DCST1: variants seen among roughly 807,000 people sequenced by gnomAD.
DCST1 encodes the protein DC-STAMP domain containing 1.
A neutral mutation model predicts 89.1 loss-of-function variants in DCST1; 78 were observed. The ratio of observed to expected loss-of-function variants is 0.88; its 90% CI spans 0.73 to 1.06. The LOEUF (loss-of-function observed/expected upper bound fraction) is 1.06, where lower values mean the gene tolerates loss of function less well. Ranked by LOEUF, DCST1 falls within the 50% of genes least tolerant of loss-of-function variation. The pLI is 0.00. For missense variants in DCST1, 900 were observed against 928.6 expected, an observed-to-expected ratio of 0.97 and a Z score of 0.40; for synonymous variants, 364 against 371.9, an observed-to-expected ratio of 0.98 and a Z score of 0.24.
chr1:155,034,264 A>G lies in DCST1; in HGVS notation c.61+167A>G. On this transcript the variant is annotated intron_variant, in intron 2 of 16. Transcript: ENST00000295542. ...CCAGCCCTTGCCTTTGCTGTCCCTT[A>G]CACCCATACCACTTCCTCAGGCTCC... 3 of 1,561,882 alleles carry G rather than the reference A, an allele frequency of 1.9e-6. No individual in the cohort carries two copies. In the South Asian group the frequency reaches 3.4e-5, roughly 18 times the overall value.
chr1:155,045,728 T>G (rs1660597909), intron 10 of DCST1, 165 bp from the exon 11 acceptor site: 1 of 633,432 alleles, frequency 1.6e-6, no homozygotes, highest in South Asian at 1.8e-5. Context: ...AGGGACAGAG[T>G]CTTCTCCCTG....
In DCST1 at chr1:155,049,305, T is replaced by C. The variant is rs112857091; in HGVS notation, c.1869+1135T>C. On this transcript the variant is annotated intron_variant, in intron 16 of 16. Coordinates refer to ENST00000295542, the MANE Select transcript of DCST1 (RefSeq NM_152494.4). ...ATGCAGCAAGTTCCATATGCATGCA[T>C]GTTATCATTGGGTGACCCTGGGCAG... is the stretch of plus-strand genomic sequence containing the variant. 2.0e-3 allele frequency: 942 copies of C among 477,244 alleles called. 4 individuals carry two copies. Among genetic ancestry groups the C allele is most frequent in the African/African-American group, 0.012 (622 of 50,920 alleles). 29.6% of individuals were successfully genotyped at this position (477,244 alleles called of 1,614,324 possible).
At chr1:155,044,266 G>C (rs551706462) in intron 10 of DCST1, among the ~76,000 whole-genome samples, 1 of 152,282 alleles carries the variant, frequency 6.6e-6, no homozygotes, top group African/African-American at 2.4e-5. Flanking sequence ...AGGATGGCTT[G>C]AGTTGAGGTG....
In DCST1 at chr1:155,040,343, G is replaced by A. The variant is rs577498584; in HGVS notation, c.392-142G>A. The A allele has an allele frequency of 8.0e-5, 45 of 559,134 alleles. No homozygotes were observed. In the African/African-American group the frequency reaches 8.4e-4, roughly 10 times the overall value. 34.6% of individuals were successfully genotyped at this position (559,134 alleles called of 1,614,324 possible). A position where few individuals can be genotyped will look rare whatever the true frequency, so the allele number is the denominator to read the frequency against. On this transcript the variant is annotated intron_variant, in intron 5 of 16. Transcript: ENST00000295542. ...AAAACAGTGAAAAAAATCAAAGGTT[G>A]AACAAGTTGACCTTTCATAGGCTCT...
At chr1:155,043,781 G>A (rs1453365755) in intron 10 of DCST1, among the ~76,000 whole-genome samples, 4 of 150,474 alleles carry the variant, frequency 2.7e-5, no homozygotes, top group Non-Finnish European at 3.0e-5. Flanking sequence ...TTTTTTTTAC[G>A]TTTAGCTTTG....
chr1:155,046,597 C>CTTT, intron 13 of DCST1, 111 bp downstream of exon 13: 1 of 429,862 alleles, frequency 2.3e-6, no homozygotes, highest in Non-Finnish European at 3.3e-6. Context: ...CGTCCTTCTG[C>CTTT]CTCTTTTTTT....
Position 155,041,832 on chromosome 1 carries a change from C to G in DCST1, c.867C>G (p.Phe289Leu), listed in dbSNP as rs762296669. 6.2e-7 allele frequency: 1 copy of G among 1,614,228 alleles called. No homozygotes were observed. Among genetic ancestry groups the G allele is most frequent in the Non-Finnish European group, 8.5e-7 (1 of 1,180,040 alleles). Residue 289 changes from phenylalanine to leucine, a missense_variant, in exon 8 of 17, where the codon TTC becomes TTG. Physicochemically the swap from Phe to Leu is conservative, Grantham distance 22. Transcript: ENST00000295542. The part of the protein sequence containing the change: ...LTHLLCLPMK[F>L]KFFCGIAKVM... ...ACCTGCTCTGCCTGCCTATGAAGTT[C>G]AAGTTCTTCTGTGGCATTGCCAAGG...
chr1:155,043,540 T>C, intron 10 of DCST1, 31 bp downstream of exon 10: 1 of 1,546,988 alleles, frequency 6.5e-7, no homozygotes. Flanking sequence ...CAGCAGCCCC[T>C]CCTCTGCCCC....
rs535436039 is a variant in DCST1 at position 155,050,448 on chromosome 1, A to T, written c.1870-169A>T. On this transcript the variant is annotated intron_variant, in intron 16 of 16. Transcript: ENST00000295542. ...TGCATCCTCCCATTCTCCATCACAG[A>T]GTTGGGGAGGGAGGCACCCTCGCCC... is the stretch of plus-strand genomic sequence containing the variant. The T allele has an allele frequency of 9.8e-4, 792 of 811,880 alleles. 2 individuals are homozygous for T. In the African/African-American group the frequency reaches 0.013, roughly 13 times the overall value. The allele number at this position is 811,880 out of a possible 1,614,324, so 50.3% of individuals were successfully genotyped here. A position where few individuals can be genotyped will look rare whatever the true frequency, so the allele number is the denominator to read the frequency against.
intron 13 of DCST1, 67 bp from the exon 14 acceptor site, chr1:155,047,129 C>A: frequency 7.9e-7 from 1 of 1,271,170 alleles, no homozygotes; most frequent in Non-Finnish European, 1.2e-6. Flanking sequence ...CCCTGACATC[C>A]ACCCCCTTAA....
Position 155,041,767 on chromosome 1 carries a change from G to T in DCST1, c.802G>T (p.Glu268Ter). ...CCGTCGTTGGTTTGACCGCAAGCAT[G>T]AACAGTGCATGAAGCACATCTGGGT... The part of the protein sequence containing the change: ...SCRRWFDRKH[E>*]QCMKHIWVPL... Residue 268 changes from glutamate (E) to a stop codon, truncating the protein, a stop_gained, in exon 8 of 17, where the codon GAA (glutamate) becomes TAA (stop). Transcript: ENST00000295542. LOFTEE classifies it high-confidence loss of function. The T allele has an allele frequency of 1.9e-6, 3 of 1,614,254 alleles. No individual in the cohort carries two copies. The highest frequency in any genetic ancestry group is 2.5e-6 in the Non-Finnish European group (3 of 1,180,044).
At position 155,046,496 on chromosome 1, in the gene DCST1, T is replaced by A. The variant is rs184433433; in HGVS notation, c.1495+10T>A. 30 of 1,610,492 alleles carry A rather than the reference T, an allele frequency of 1.9e-5. No homozygotes were observed. The East Asian group carries it at 6.5e-4, about 35-fold the overall frequency. ...CAGTACTCCTTCCGCAGTAAGCCCA[T>A]CCCCCAGACACATTCCAGGCCCAAG... On this transcript the variant is annotated intron_variant, in intron 13 of 16. Transcript: ENST00000295542.
chr1:155,048,220 C>G (rs1482088872), intron 16 of DCST1, 50 bp downstream of exon 16: 3 of 1,516,250 alleles, frequency 2.0e-6, no homozygotes, highest in African/African-American at 1.4e-5. Context: ...GGTCTAAGTA[C>G]AGCAGGCAAG....
In DCST1 at chr1:155,047,877, A is replaced by G. The variant is rs1250070384; in HGVS notation, c.1703A>G (p.Gln568Arg). The G allele has an allele frequency of 1.2e-6, 2 of 1,614,102 alleles. No individual in the cohort carries two copies. The highest frequency in any genetic ancestry group is 1.7e-5 in the Admixed American group (1 of 60,004). ...IGLLVCLCLL[Q>R]AFGYRLRRVI... is the part of the protein sequence containing the mutation. Reference sequence around the variant, plus strand: ...CTGTTAGTGTGTCTCTGCCTGTTACAGGCTTTTGGCTACCGACTCCGGAGG... The same window carrying G: ...CTGTTAGTGTGTCTCTGCCTGTTACGGGCTTTTGGCTACCGACTCCGGAGG... The change falls in exon 15 of 17, where the codon CAG (glutamine) becomes CGG (arginine). Residue 568 changes from glutamine (Q) to arginine (R), a missense_variant. Coordinates refer to ENST00000295542, the MANE Select transcript of DCST1 (RefSeq NM_152494.4).
chr1:155,047,264 G>T lies in DCST1; in HGVS notation c.1564G>T (p.Gly522Trp), dbSNP rs1660681264. 1 of 1,614,024 alleles carries T rather than the reference G, an allele frequency of 6.2e-7. No individual in the cohort carries two copies. Among genetic ancestry groups the T allele is most frequent in the Non-Finnish European group, 8.5e-7 (1 of 1,180,014 alleles). Residue 522 changes from glycine (G) to tryptophan (W), a missense_variant, in exon 14 of 17, where the codon GGG becomes TGG. Gly to Trp is a radical substitution (Grantham distance 184). Transcript: ENST00000295542. ...MLARLLRKTI[G>W]ALNTSSETVM... Reference sequence around the variant, plus strand: ...AGCCCGGCTTCTTCGAAAAACCATTGGGGCCCTGAACACCTCCTCAGAGAC... The same window carrying T: ...AGCCCGGCTTCTTCGAAAAACCATTTGGGCCCTGAACACCTCCTCAGAGAC...
intron 4 of DCST1, among the ~76,000 whole-genome samples, chr1:155,035,687 T>C (rs1372491842): frequency 6.6e-6 from 1 of 152,078 alleles, no homozygotes; most frequent in Non-Finnish European, 1.5e-5. Context: ...CCCAGCACTT[T>C]GGGAGGCTGA....
chr1:155,043,371 T>G lies in DCST1; in HGVS notation c.1034T>G (p.Val345Gly), dbSNP rs1238118651. ...CACCAGGAAGAGAAGCAGGCTGGGGTGCTGGGGCTCAACACAAGCTGGGAG... is the reference window on the plus strand; with the variant it reads ...CACCAGGAAGAGAAGCAGGCTGGGGGGCTGGGGCTCAACACAAGCTGGGAG... ...IDFKEEKQAG[V>G]LGLNTSWERV... The change falls in exon 10 of 17, where the codon GTG (valine) becomes GGG (glycine). Residue 345 changes from valine (V) to glycine (G), a missense_variant. By Grantham distance (109) the Val-to-Gly change is moderately radical. Coordinates refer to ENST00000295542, the MANE Select transcript of DCST1 (RefSeq NM_152494.4). 6.2e-7 allele frequency: 1 copy of G among 1,613,934 alleles called. No homozygotes were observed. The highest frequency in any genetic ancestry group is 8.5e-7 in the Non-Finnish European group (1 of 1,179,952).
intron 16 of DCST1, chr1:155,049,220 G>C (rs1032067296): frequency 3.3e-6 from 2 of 602,020 alleles, no homozygotes; most frequent in East Asian, 5.7e-5. Context: ...ATAAAATGGG[G>C]TTAACTACTC....
intron 13 of DCST1, among the ~76,000 whole-genome samples, chr1:155,046,785 T>C (rs1660654543): frequency 6.6e-6 from 1 of 151,954 alleles, no homozygotes; most frequent in Admixed American, 6.5e-5. Context: ...TTTCTATTTT[T>C]AGTAGAGACA....
Sources: allele counts gnomAD v4.1 joint callset (sites outside exome capture counted in the v4.1 genomes callset), GRCh38; gene constraint gnomAD v4.1.1; transcripts MANE v1.5; gene names NCBI Gene and HGNC (gene_info 2026-07-23, HGNC 2026-07-21).